The following PLCD3 variants were observed in gnomAD, a reference collection of about 807,000 sequenced individuals.
PLCD3 encodes the protein phospholipase C delta 3.
A neutral mutation model predicts 82.8 loss-of-function variants in PLCD3; 62 were observed. The ratio of observed to expected loss-of-function variants is 0.75; its 90% confidence interval spans 0.61 to 0.93. The LOEUF is 0.93. Ranked by LOEUF, PLCD3 falls within the 40% of genes least tolerant of loss-of-function variation. The probability of loss-of-function intolerance (pLI) is 0.00; values close to 1 mark genes in which losing one functional copy is unlikely to be tolerated. For synonymous variants in PLCD3, 478 were observed against 471.8 expected, an observed-to-expected ratio of 1.01 and a Z score of -0.17; for missense variants, 1,023 against 1,103.4, an observed-to-expected ratio of 0.93 and a Z score of 1.03.
At position 45,117,848 on chromosome 17, in the gene PLCD3, G is replaced by T. The variant is rs188395317; in HGVS notation, c.1260+146C>A. ...CATTCAGCTTTATGCCACCCCATTG[G>T]CCACTTATCCCAGCAGCACTTGGTG... is the stretch of plus-strand genomic sequence containing the variant. On this transcript the variant is annotated intron_variant, in intron 7 of 14. Coordinates refer to ENST00000619929, the MANE Select transcript of PLCD3 (RefSeq NM_133373.5). The T allele has an allele frequency of 6.9e-5, 75 of 1,080,960 alleles. No homozygotes were observed. In the African/African-American group the frequency reaches 1.1e-3, roughly 16 times the overall value. 67.0% of individuals were successfully genotyped at this position (1,080,960 alleles called of 1,614,324 possible).
At chr17:45,114,199 C>G (rs2054270689) in intron 11 of PLCD3, 51 bp downstream of exon 11, 1 of 1,398,704 alleles carries the variant, frequency 7.1e-7, no homozygotes, top group Non-Finnish European at 9.6e-7. Flanking sequence ...GCTGAGGCCT[C>G]CCCCACACTG....
chr17:45,110,882 G>A lies in PLCD3; in HGVS notation c.*1734C>T, dbSNP rs564881962. The A allele has an allele frequency of 2.6e-5, 4 of 152,354 alleles. No individual in the cohort carries two copies. The highest frequency in any genetic ancestry group is 4.4e-5 in the Non-Finnish European group (3 of 68,060). The allele number at this position is 152,354 out of a possible 1,614,324, so 9.4% of individuals were successfully genotyped here. A position where few individuals can be genotyped will look rare whatever the true frequency, so the allele number is the denominator to read the frequency against. Reference sequence around the variant, plus strand: ...AACGCCACTCCCAGCATGAAGGAGCGGGGGACACTGCCACTTTCTGCATTA... The same window carrying A: ...AACGCCACTCCCAGCATGAAGGAGCAGGGGACACTGCCACTTTCTGCATTA... On this transcript the variant is annotated 3_prime_UTR_variant, in exon 15 of 15. Transcript: ENST00000619929.
intron 10 of PLCD3, among the ~76,000 whole-genome samples, chr17:45,114,710 C>T (rs145984388): frequency 6.6e-6 from 1 of 152,332 alleles, no homozygotes; most frequent in African/African-American, 2.4e-5. Flanking sequence ...TTCCTCCTGT[C>T]TGGAAAGCGC....
chr17:45,117,746 T>C (rs918755602), intron 7 of PLCD3, among the ~76,000 whole-genome samples: 1 of 152,222 alleles, frequency 6.6e-6, no homozygotes, highest in Admixed American at 6.5e-5. Context: ...GGTTTTCTTC[T>C]GGAAACTCTG....
intron 1 of PLCD3, among the ~76,000 whole-genome samples, chr17:45,123,637 C>T (rs2054358986): frequency 6.6e-6 from 1 of 152,168 alleles, no homozygotes; most frequent in Admixed American, 6.5e-5. Context: ...AGGCTGCAGA[C>T]ACCACAGCCC....
At chr17:45,117,653 T>G (rs565607988) in intron 7 of PLCD3, among the ~76,000 whole-genome samples, 1 of 152,342 alleles carries the variant, frequency 6.6e-6, no homozygotes, top group South Asian at 2.1e-4. Context: ...TTGCAGTGTT[T>G]ATGCAGATGC....
chr17:45,121,632 G>A (rs1214012427), intron 1 of PLCD3, among the ~76,000 whole-genome samples: 1 of 152,182 alleles, frequency 6.6e-6, no homozygotes, highest in Non-Finnish European at 1.5e-5. Context: ...CCAAGCAGCG[G>A]CCTCTGCAGT....
At chr17:45,116,440 A>C (rs1208332020) in intron 8 of PLCD3, among the ~76,000 whole-genome samples, 192 bp downstream of exon 8, 1 of 152,142 alleles carries the variant, frequency 6.6e-6, no homozygotes, top group Non-Finnish European at 1.5e-5. Flanking sequence ...GGTCTAGTCA[A>C]GAATGGAGAG....
At chr17:45,130,035 C>T (rs2054408155) in intron 1 of PLCD3, among the ~76,000 whole-genome samples, 1 of 152,180 alleles carries the variant, frequency 6.6e-6, no homozygotes, top group African/African-American at 2.4e-5. Context: ...TCTGATGGCC[C>T]AAGGGGCTGG....
rs570502643 is a variant in PLCD3, at chr17:45,112,632, C to T, written c.2354G>A (p.Arg785His). The change falls in exon 15 of 15, where the codon CGC becomes CAC. Residue 785 changes from arginine to histidine, a missense_variant. Arg to His is a conservative substitution (Grantham distance 29). Transcript: ENST00000619929. The part of the protein sequence containing the change: ...LSPATLFIQI[R>H]IQRS ...GGTGGGCCCTCAGGAGCGCTGGATG[C>T]GGATTTGGATGAAGAGCGTGGCTGG... The T allele has an allele frequency of 5.2e-5, 83 of 1,603,466 alleles. No homozygotes were observed. The highest frequency in any genetic ancestry group is 5.0e-4 in the South Asian group (44 of 88,518).
rs1567875957 is a variant in PLCD3, at chr17:45,111,382, G to A, written c.*1234C>T. On this transcript the variant is annotated 3_prime_UTR_variant, in exon 15 of 15. Coordinates refer to ENST00000619929, the MANE Select transcript of PLCD3 (RefSeq NM_133373.5). ...CCTCTGTGTATGTGTGAGTGTGTGT[G>A]TGTGTGTGTGTGTGTGTGTGTTGTG... is the stretch of plus-strand genomic sequence containing the variant. The A allele has an allele frequency of 6.6e-6, 1 of 152,348 alleles. No individual in the cohort carries two copies. The highest frequency in any genetic ancestry group is 1.5e-5 in the Non-Finnish European group (1 of 68,390). The allele number at this position is 152,348 out of a possible 1,614,324, so 9.4% of individuals were successfully genotyped here.
At chr17:45,114,925 C>T (rs1203200149) in intron 10 of PLCD3, among the ~76,000 whole-genome samples, 169 bp downstream of exon 10, 1 of 152,194 alleles carries the variant, frequency 6.6e-6, no homozygotes, top group Non-Finnish European at 1.5e-5. Context: ...TGCCACTCCC[C>T]TCCATCCACC....
chr17:45,126,820 G>A (rs1259976933), intron 1 of PLCD3, among the ~76,000 whole-genome samples: 2 of 151,618 alleles, frequency 1.3e-5, no homozygotes, highest in African/African-American at 2.4e-5. Context: ...TACCAGGCCT[G>A]AATAATTTTT....
intron 2 of PLCD3, 25 bp from the exon 3 acceptor site, chr17:45,121,155 G>A (rs1036795318): frequency 5.9e-6 from 9 of 1,518,804 alleles, no homozygotes; most frequent in African/African-American, 2.8e-5. Context: ...GGGTCAGGGC[G>A]GAGGACCGGG....
Position 45,118,917 on chromosome 17 carries a change from T to C in PLCD3, c.811A>G (p.Ser271Gly). The C allele has an allele frequency of 6.2e-7, 1 of 1,612,708 alleles. No homozygotes were observed. Among genetic ancestry groups the C allele is most frequent in the Non-Finnish European group, 8.5e-7 (1 of 1,179,794 alleles). The change falls in exon 5 of 15, where the codon AGT (serine) becomes GGT (glycine). Residue 271 changes from serine to glycine, a missense_variant. Ser to Gly is a moderately conservative substitution (Grantham distance 56, BLOSUM62 0). This residue lies in a region of PLCD3 where 448 missense variants were observed against 406.3 expected (regional missense o/e 1.10). Transcript: ENST00000619929. This position sits in a 1 kb window ranked among gnomAD's most constrained non-coding sequence, Gnocchi z 4.1. ...HQYSGEDRVL[S>G]APELLEFLED... The stretch of plus-strand genomic sequence containing the variant: ...AGGAACTCCAGCAGCTCAGGGGCAC[T>C]CAGCACGCGGTCCTCGCCCGAGTAC...
At chr17:45,127,344 G>A (rs1030807124) in intron 1 of PLCD3, among the ~76,000 whole-genome samples, 2 of 152,220 alleles carry the variant, frequency 1.3e-5, no homozygotes, top group South Asian at 4.1e-4. Flanking sequence ...CAAGCTGCCC[G>A]CTTATCTCAG....
In PLCD3 at chr17:45,118,953, T is replaced by G. The variant is rs1403259886; in HGVS notation, c.775A>C (p.Ile259Leu). ...TCCTCGCCCGAGTACTGATGGAAGATCTCCTCCAGCTCCGGCCGCTTCAGC... is the reference window on the plus strand; with the variant it reads ...TCCTCGCCCGAGTACTGATGGAAGAGCTCCTCCAGCTCCGGCCGCTTCAGC... ...RLLKRPELEEIFHQYSGEDRV... is the reference protein window; with the variant it reads ...RLLKRPELEELFHQYSGEDRV... Residue 259 changes from isoleucine to leucine, a missense_variant, in exon 5 of 15, where the codon ATC becomes CTC. Transcript: ENST00000619929. This position sits in a 1 kb window ranked among gnomAD's most constrained non-coding sequence, Gnocchi z 4.1. 1.2e-6 allele frequency: 2 copies of G among 1,612,418 alleles called. No homozygotes were observed. The highest frequency in any genetic ancestry group is 2.2e-5 in the South Asian group (2 of 90,926).
Position 45,118,810 on chromosome 17 carries a change from C to G in PLCD3, c.913+5G>C, listed in dbSNP as rs3744762. 5.1e-5 allele frequency: 81 copies of G among 1,598,010 alleles called. No homozygotes were observed. The highest frequency in any genetic ancestry group is 6.4e-5 in the Non-Finnish European group (75 of 1,170,014). On this transcript the variant is annotated splice_donor_5th_base_variant and intron_variant, in intron 5 of 14. Coordinates refer to ENST00000619929, the MANE Select transcript of PLCD3 (RefSeq NM_133373.5). This position sits in a 1 kb window ranked among gnomAD's most constrained non-coding sequence, Gnocchi z 4.1. ...GCCACGACCTGGCCGTGCCACCCCC[C>G]CCACCTGTCTCGTTGAGCTCATAGG...
Position 45,118,296 on chromosome 17 carries a change from A to G in PLCD3, c.1110T>C (p.Tyr370=), listed in dbSNP as rs3744758. The G allele has an allele frequency of 0.049, 78,542 of 1,613,866 alleles. 9,009 individuals carry two copies. Among genetic ancestry groups the G allele is most frequent in the African/African-American group, 0.38 (28,518 of 74,980 alleles). The change falls in exon 6 of 15, where the codon TAT becomes TAC. Residue 370 remains tyrosine (Y), a synonymous_variant. Coordinates refer to ENST00000619929, the MANE Select transcript of PLCD3 (RefSeq NM_133373.5). This position sits in a 1 kb window ranked among gnomAD's most constrained non-coding sequence, Gnocchi z 4.1. ...QIGGPSSTEA[Y]VRAFAQGCRC... Reference sequence around the variant, plus strand: ...TTCACCCCCTGCTACAGTACCTAACATAGGCCTCGGTGCTGCTGGGCCCCC... The same window carrying G: ...TTCACCCCCTGCTACAGTACCTAACGTAGGCCTCGGTGCTGCTGGGCCCCC...
Sources: gnomAD v4.1 joint callset for allele counts (sites outside exome capture counted in the v4.1 genomes callset) on GRCh38, gnomAD v4.1.1 for gene constraint, gnomAD v4.1.1 regional missense constraint, Gnocchi (gnomAD v3.1) non-coding constraint, MANE v1.5 for transcripts, NCBI Gene and HGNC (gene_info 2026-07-23, HGNC 2026-07-21) for gene names.